BABAM2: variants seen among roughly 807,000 people sequenced by gnomAD.
BABAM2 encodes the protein BRISC and BRCA1 A complex member 2.
A neutral mutation model predicts 54.7 loss-of-function variants in BABAM2; 31 were observed. The ratio of observed to expected loss-of-function variants is 0.57; its 90% CI spans 0.43 to 0.77. BABAM2 has a LOEUF of 0.77. BABAM2 is among the 30% of genes least tolerant of loss of function. The pLI is 0.00. For synonymous variants in BABAM2, 167 were observed against 162.9 expected, an observed-to-expected ratio of 1.03 and a Z score of -0.19; for missense variants, 364 against 455.8, an observed-to-expected ratio of 0.80 and a Z score of 1.83.
At chr2:28,035,670 T>C (rs1053581022) in intron 5 of BABAM2, among the ~76,000 whole-genome samples, 2 of 152,200 alleles carry the variant, frequency 1.3e-5, no homozygotes, top group African/African-American at 4.8e-5. Flanking sequence ...TTAATTGTCT[T>C]TGTAATGGAA....
At chr2:28,176,589 A>AAAAAAAAAAAAAAAAC (rs70956003) in intron 7 of BABAM2, among the ~76,000 whole-genome samples, 1 of 145,398 alleles carries the variant, frequency 6.9e-6, no homozygotes, top group Non-Finnish European at 1.5e-5. Flanking sequence ...AAAAAAAAAA[A>AAAAAAAAAAAAAAAAC]AAAAAAACCT....
At chr2:28,192,324 G>C (rs940026837) in intron 7 of BABAM2, among the ~76,000 whole-genome samples, 3 of 151,670 alleles carry the variant, frequency 2.0e-5, no homozygotes, top group Non-Finnish European at 2.9e-5. Context: ...GTGAGCCACT[G>C]CGCCCAGCCA....
At chr2:27,929,996 AGTT>A in intron 3 of BABAM2, 88 bp downstream of exon 3, 1 of 1,193,726 alleles carries the variant, frequency 8.4e-7, no homozygotes, top group Non-Finnish European at 1.2e-6. Context: ...TCCGGCTGTT[AGTT>A]GTTATCTCCT....
Position 28,025,313 on chromosome 2 carries a change from A to G in BABAM2, c.388A>G (p.Ser130Gly), listed in dbSNP as rs1371362894. The G allele has an allele frequency of 6.2e-7, 1 of 1,613,312 alleles. No individual in the cohort carries two copies. The highest frequency in any genetic ancestry group is 8.5e-7 in the Non-Finnish European group (1 of 1,179,810). ...GCAACAATATCACCAATTCCAATGT[A>G]GCCGCCTCCGGGAGAGCTCCCGCCT... ...LVQQYHQFQC[S>G]RLRESSRLMF... The change falls in exon 5 of 12, where the codon AGC becomes GGC. Residue 130 changes from serine to glycine, a missense_variant. Coordinates refer to ENST00000379624, the MANE Select transcript of BABAM2 (RefSeq NM_199191.3).
chr2:28,155,256 C>T (rs1246315631), intron 7 of BABAM2, among the ~76,000 whole-genome samples: 1 of 152,046 alleles, frequency 6.6e-6, no homozygotes, highest in African/African-American at 2.4e-5. Flanking sequence ...CTTTACCCTC[C>T]GTTTGCTCAG....
At chr2:28,181,919 G>A (rs1420011981) in intron 7 of BABAM2, among the ~76,000 whole-genome samples, 1 of 152,098 alleles carries the variant, frequency 6.6e-6, no homozygotes, top group Non-Finnish European at 1.5e-5. Context: ...TGACATTTGA[G>A]CAGAAGGAGG....
intron 5 of BABAM2, among the ~76,000 whole-genome samples, chr2:28,040,739 A>G (rs1677036925): frequency 6.6e-6 from 1 of 152,198 alleles, no homozygotes; most frequent in South Asian, 2.1e-4. Flanking sequence ...AGTGCTTTTT[A>G]TGGTTTCCCA....
At chr2:27,992,078 C>G (rs981153505) in intron 4 of BABAM2, among the ~76,000 whole-genome samples, 1 of 152,114 alleles carries the variant, frequency 6.6e-6, no homozygotes, top group Admixed American at 6.5e-5. Context: ...ATCTCATACC[C>G]ACAAATGAAG....
intron 11 of BABAM2, among the ~76,000 whole-genome samples, chr2:28,316,003 C>A (rs1689522595): frequency 6.6e-6 from 1 of 152,100 alleles, no homozygotes; most frequent in Admixed American, 6.5e-5. Context: ...CTTTTAGAGA[C>A]CCCACTCTGG....
At chr2:28,026,898 A>T (rs1333549808) in intron 5 of BABAM2, among the ~76,000 whole-genome samples, 13 of 40,974 alleles carry the variant, frequency 3.2e-4, no homozygotes, top group Admixed American at 6.9e-4. Flanking sequence ...ATATATATAA[A>T]TATATATAAA....
intron 5 of BABAM2, 46 bp downstream of exon 5, chr2:28,025,466 A>G: frequency 6.7e-7 from 1 of 1,482,648 alleles, no homozygotes; most frequent in Non-Finnish European, 9.0e-7. Flanking sequence ...CATCCATAAT[A>G]AAATAATCAA....
chr2:28,311,883 G>A (rs769614893), intron 11 of BABAM2, among the ~76,000 whole-genome samples: 2 of 152,140 alleles, frequency 1.3e-5, no homozygotes, highest in East Asian at 1.9e-4. Context: ...TGTACAGCTC[G>A]TATCTGATAT....
intron 6 of BABAM2, among the ~76,000 whole-genome samples, chr2:28,099,095 A>T (rs1054136679): frequency 6.6e-6 from 1 of 152,210 alleles, no homozygotes; most frequent in Non-Finnish European, 1.5e-5. Context: ...TGGAGTATTC[A>T]TTCCATCCTT....
intron 11 of BABAM2, among the ~76,000 whole-genome samples, chr2:28,299,632 A>G (rs1390386859): frequency 6.6e-6 from 1 of 152,240 alleles, no homozygotes; most frequent in Non-Finnish European, 1.5e-5. Flanking sequence ...AATGCTAGGA[A>G]TATAATGATA....
At chr2:28,310,222 A>T in intron 11 of BABAM2, 1 of 1,518,312 alleles carries the variant, frequency 6.6e-7, no homozygotes, top group East Asian at 2.3e-5. Context: ...TCCATTGAAA[A>T]GCCTGGCCAT....
Position 28,334,723 on chromosome 2 carries a change from G to A in BABAM2, c.1089-3727G>A, listed in dbSNP as rs187444635. ...GTGAAACATATGGAAGGAATAAGTG[G>A]CCCTCACGTCTGGGTGGCAGCCAAC... On this transcript the variant is annotated intron_variant, in intron 11 of 11. Coordinates refer to ENST00000379624, the MANE Select transcript of BABAM2 (RefSeq NM_199191.3). Among the ~76,000 whole-genome samples the A allele has an allele frequency of 1.1e-3, 173 of 152,314 alleles. 2 individuals are homozygous for A. Among genetic ancestry groups the A allele is most frequent in the Admixed American group, 0.01 (154 of 15,310 alleles).
chr2:27,892,433 C>A (rs1344398995), intron 1 of BABAM2: 1 of 152,080 alleles, frequency 6.6e-6, no homozygotes, highest in Non-Finnish European at 1.5e-5. Context: ...CACAGAAGAA[C>A]AATTCGGTAA....
chr2:28,215,169 T>C (rs1306667777), intron 7 of BABAM2, among the ~76,000 whole-genome samples: 3 of 152,154 alleles, frequency 2.0e-5, no homozygotes, highest in African/African-American at 7.2e-5. Flanking sequence ...TTTTTCTCCT[T>C]TCATAGTAAT....
At chr2:27,983,283 A>C (rs187493692) in intron 3 of BABAM2, among the ~76,000 whole-genome samples, 15 of 152,196 alleles carry the variant, frequency 9.9e-5, no homozygotes, top group African/African-American at 3.4e-4. Flanking sequence ...TAGGCCATAA[A>C]TTTGAAGGTT....
Sources: allele counts gnomAD v4.1 joint callset (sites outside exome capture counted in the v4.1 genomes callset), GRCh38; gene constraint gnomAD v4.1.1; transcripts MANE v1.5; gene names NCBI Gene and HGNC (gene_info 2026-07-23, HGNC 2026-07-21).